The following MED6 variants were observed in gnomAD, a reference collection of about 807,000 sequenced individuals.
The protein encoded by MED6 is mediator of RNA polymerase II transcription subunit 6.
In MED6, 33 loss-of-function variants were observed where a neutral mutation model predicts 37.5. That is an observed-to-expected ratio of 0.88 (90% confidence interval 0.67 to 1.18). The LOEUF (loss-of-function observed/expected upper bound fraction) is 1.18. Ranked by LOEUF, MED6 falls within the 50% of genes most tolerant of loss-of-function variation. MED6 has a pLI of 0.00. For synonymous variants in MED6, 94 were observed against 93.6 expected (o/e 1.00, Z -0.02); for missense variants, 235 against 290.6 (o/e 0.81, Z 1.39).
chr14:70,598,313 A>G (rs909407168), intron 1 of MED6, among the ~76,000 whole-genome samples: 1 of 152,112 alleles, frequency 6.6e-6, no homozygotes, highest in African/African-American at 2.4e-5. Context: ...AAGAAAAAAA[A>G]CAAAACAAAA....
chr14:70,593,197 G>T, intron 4 of MED6, 99 bp downstream of exon 4: 3 of 1,268,830 alleles, frequency 2.4e-6, no homozygotes, highest in Non-Finnish European at 1.1e-6. Context: ...ATACTTTATA[G>T]CAACTTACAC....
chr14:70,587,866 G>A (rs1884755663), intron 6 of MED6, among the ~76,000 whole-genome samples: 1 of 152,204 alleles, frequency 6.6e-6, no homozygotes, highest in Non-Finnish European at 1.5e-5. Context: ...ATCAGTATTA[G>A]TGCAACTTCC....
chr14:70,598,934 A>G (rs937452609), intron 1 of MED6, among the ~76,000 whole-genome samples: 1 of 152,258 alleles, frequency 6.6e-6, no homozygotes, highest in Admixed American at 6.5e-5. Flanking sequence ...TCCCTTAACT[A>G]CAGCCACACG....
chr14:70,588,634 T>C (rs537073265), intron 6 of MED6, among the ~76,000 whole-genome samples: 3 of 150,660 alleles, frequency 2.0e-5, no homozygotes, highest in African/African-American at 7.3e-5. Context: ...TGCAGTGAGC[T>C]GAGATCGTGC....
intron 7 of MED6, among the ~76,000 whole-genome samples, chr14:70,585,297 C>T (rs1271380815): frequency 6.6e-6 from 1 of 152,166 alleles, no homozygotes; most frequent in African/African-American, 2.4e-5. Flanking sequence ...GAAGAAACCT[C>T]GAATCACAGT....
intron 1 of MED6, among the ~76,000 whole-genome samples, chr14:70,598,258 T>C (rs185992596): frequency 7.2e-5 from 11 of 152,082 alleles, no homozygotes; most frequent in South Asian, 2.1e-4. Context: ...GATCACACCA[T>C]TGGACTCCAG....
Position 70,583,813 on chromosome 14 carries a change from T to C in MED6, c.*1000A>G, listed in dbSNP as rs992620566. 28 of 325,794 alleles carry C rather than the reference T, an allele frequency of 8.6e-5. No individual in the cohort carries two copies. Among genetic ancestry groups the C allele is most frequent in the Non-Finnish European group, 5.5e-6 (1 of 181,280 alleles). 20.2% of individuals were successfully genotyped at this position (325,794 alleles called of 1,614,324 possible). ...ATTAAAGTACAGTTTTAAAAGCATC[T>C]ACATGCAGCAAGCACACTCAGCCCC... is the stretch of plus-strand genomic sequence containing the variant. On this transcript the variant is annotated 3_prime_UTR_variant, in exon 8 of 8. Coordinates refer to ENST00000256379, the MANE Select transcript of MED6 (RefSeq NM_005466.4).
rs2139584777 is a variant in MED6 at position 70,584,608 on chromosome 14, T to C, written c.*205A>G. The C allele has an allele frequency of 3.9e-6, 2 of 514,400 alleles. No individual in the cohort carries two copies. The highest frequency in any genetic ancestry group is 7.7e-5 in the Admixed American group (2 of 26,088). The allele number at this position is 514,400 out of a possible 1,614,324, so 31.9% of individuals were successfully genotyped here. Reference sequence around the variant, plus strand: ...TCAGGCTGGTCTTGAACTTCTGACCTCAAGTGATCCACCCGCCATGGCCTC... The same window carrying C: ...TCAGGCTGGTCTTGAACTTCTGACCCCAAGTGATCCACCCGCCATGGCCTC... On this transcript the variant is annotated 3_prime_UTR_variant, in exon 8 of 8. Coordinates refer to ENST00000256379, the MANE Select transcript of MED6 (RefSeq NM_005466.4).
chr14:70,595,044 T>TA (rs1885000993), intron 3 of MED6: 1 of 559,730 alleles, frequency 1.8e-6, no homozygotes, highest in Non-Finnish European at 3.6e-6. Flanking sequence ...TTGCTGCTGA[T>TA]AGAGTCAAGT....
At chr14:70,584,983 G>A (rs1361007924) in intron 7 of MED6, 40 bp from the exon 8 acceptor site, 2 of 1,598,178 alleles carry the variant, frequency 1.3e-6, no homozygotes, top group Admixed American at 1.7e-5. Flanking sequence ...GGAGATATGG[G>A]TGGGGGGAAT....
In MED6 at chr14:70,584,096, A is replaced by T; in HGVS notation, c.*717T>A. 1 of 677,766 alleles carries T rather than the reference A, an allele frequency of 1.5e-6. No homozygotes were observed. The highest frequency in any genetic ancestry group is 2.6e-6 in the Non-Finnish European group (1 of 377,780). The allele number at this position is 677,766 out of a possible 1,614,324, so 42.0% of individuals were successfully genotyped here. On this transcript the variant is annotated 3_prime_UTR_variant, in exon 8 of 8. Transcript: ENST00000256379. ...CCTTTTCTTCATCTTCCAAAATGTC[A>T]GCAACTGTTTATTTTAATACTGAGG...
rs1884635391 is a variant in MED6, at chr14:70,584,275, T to C, written c.*538A>G. On this transcript the variant is annotated 3_prime_UTR_variant, in exon 8 of 8. Transcript: ENST00000256379. ...CCTTTATTTTGCTTTTAAACATATC[T>C]ACCAGTAAACATGTGAGTGTGTAGG... The C allele has an allele frequency of 3.1e-6, 2 of 641,848 alleles. No individual in the cohort carries two copies. Among genetic ancestry groups the C allele is most frequent in the East Asian group, 2.6e-5 (1 of 38,588 alleles). 39.8% of individuals were successfully genotyped at this position (641,848 alleles called of 1,614,324 possible).
intron 1 of MED6, among the ~76,000 whole-genome samples, chr14:70,599,714 T>G (rs528208593): frequency 2.7e-5 from 4 of 149,294 alleles, no homozygotes; most frequent in African/African-American, 9.9e-5. Context: ...AGTAAAACAT[T>G]TTATAAACTA....
intron 5 of MED6, 93 bp from the exon 6 acceptor site, chr14:70,591,474 C>G (rs1884868478): frequency 1.0e-6 from 1 of 953,980 alleles, no homozygotes; most frequent in Non-Finnish European, 1.6e-6. Context: ...TATACCCAAA[C>G]TTCATTATTT....
At chr14:70,600,393 C>A (rs1028357633) in intron 1 of MED6, among the ~76,000 whole-genome samples, 2 of 151,806 alleles carry the variant, frequency 1.3e-5, no homozygotes, top group African/African-American at 4.9e-5. Context: ...AGAGCTTCTT[C>A]CAACCCCTTC....
At chr14:70,594,901 C>G in intron 3 of MED6, 1 of 626,318 alleles carries the variant, frequency 1.6e-6, no homozygotes, top group Non-Finnish European at 3.0e-6. Flanking sequence ...AATCCAGGAG[C>G]ACCTGGATAA....
intron 1 of MED6, among the ~76,000 whole-genome samples, chr14:70,598,562 T>A (rs778171880): frequency 6.6e-6 from 1 of 152,014 alleles, no homozygotes; most frequent in Non-Finnish European, 1.5e-5. Context: ...AGAAGGTGGG[T>A]TTTAGCACGG....
At chr14:70,591,117 G>A (rs975198662) in intron 6 of MED6, 149 bp downstream of exon 6, 5 of 607,920 alleles carry the variant, frequency 8.2e-6, no homozygotes, top group South Asian at 4.2e-5. Flanking sequence ...TAAGTCTTTC[G>A]AAACCTTTCC....
intron 3 of MED6, chr14:70,595,643 C>A: frequency 1.1e-6 from 1 of 951,710 alleles, no homozygotes; most frequent in Non-Finnish European, 1.6e-6. Context: ...TGCTGAACAT[C>A]AAGGTCAAGC....
Sources: gnomAD v4.1 joint callset for allele counts (sites outside exome capture counted in the v4.1 genomes callset) on GRCh38, gnomAD v4.1.1 for gene constraint, MANE v1.5 for transcripts, NCBI Gene and HGNC (gene_info 2026-07-23, HGNC 2026-07-21) for gene names.